SLC4A10: variants seen among roughly 807,000 people sequenced by gnomAD.
The protein encoded by SLC4A10 is solute carrier family 4 member 10, also known as sodium-driven chloride bicarbonate exchanger.
A neutral mutation model predicts 137.7 loss-of-function variants in SLC4A10; 42 were observed. The ratio of observed to expected loss-of-function variants is 0.30; its 90% CI spans 0.24 to 0.39. The LOEUF (loss-of-function observed/expected upper bound fraction) is 0.39, where lower values mean the gene tolerates loss of function less well. Ranked by LOEUF, SLC4A10 falls within the 10% of genes least tolerant of loss-of-function variation. SLC4A10 has a pLI of 1.00. For missense variants in SLC4A10, 925 were observed against 1,355.0 expected (o/e 0.68, Z 4.98); for synonymous variants, 474 against 464.1 (o/e 1.02, Z -0.27).
intron 3 of SLC4A10, among the ~76,000 whole-genome samples, chr2:161,836,581 A>G (rs867045992): frequency 4.6e-4 from 56 of 121,220 alleles, no homozygotes; most frequent in Non-Finnish European, 6.9e-4. Flanking sequence ...AGAAAGAAAG[A>G]AAGAAAGAAA....
chr2:161,624,863 C>T (rs1286111147), intron 1 of SLC4A10, among the ~76,000 whole-genome samples: 1 of 151,960 alleles, frequency 6.6e-6, no homozygotes, highest in Non-Finnish European at 1.5e-5. Flanking sequence ...TGTCTCTCTG[C>T]CTGCCTGTTA....
chr2:161,782,833 A>G (rs148351934), intron 2 of SLC4A10, among the ~76,000 whole-genome samples: 4 of 150,910 alleles, frequency 2.7e-5, no homozygotes, highest in African/African-American at 9.7e-5. Flanking sequence ...AAAGAATAAA[A>G]AAAGCTTAAA....
At chr2:161,679,332 T>C (rs1313649779) in intron 1 of SLC4A10, among the ~76,000 whole-genome samples, 1 of 152,134 alleles carries the variant, frequency 6.6e-6, no homozygotes, top group Non-Finnish European at 1.5e-5. Context: ...CACAAAATCT[T>C]TTTATTTAGT....
At chr2:161,626,964 C>A (rs1158822463) in intron 1 of SLC4A10, among the ~76,000 whole-genome samples, 1 of 152,008 alleles carries the variant, frequency 6.6e-6, no homozygotes, top group African/African-American at 2.4e-5. Flanking sequence ...ATATTTAGAA[C>A]TCAGTCAAGG....
chr2:161,826,385 A>AT (rs1302743969), intron 3 of SLC4A10, among the ~76,000 whole-genome samples: 1 of 152,200 alleles, frequency 6.6e-6, no homozygotes, highest in Non-Finnish European at 1.5e-5. Flanking sequence ...TGTGTACTTC[A>AT]TGACAGCAAG....
At chr2:161,632,264 G>A (rs2033687143) in intron 1 of SLC4A10, among the ~76,000 whole-genome samples, 1 of 151,620 alleles carries the variant, frequency 6.6e-6, no homozygotes. Context: ...ACATAGCTCT[G>A]CTTAGGAAGC....
In SLC4A10 at chr2:161,905,810, C is replaced by T. The variant is rs780883786; in HGVS notation, c.1920C>T (p.Ala640=). 9 of 1,613,764 alleles carry T rather than the reference C, an allele frequency of 5.6e-6. No individual in the cohort carries two copies. The African/African-American group carries it at 1.1e-4, about 19-fold the overall frequency. Residue 640 remains alanine, a synonymous_variant, in exon 15 of 27, where the codon GCC becomes GCT. Coordinates refer to ENST00000446997, the MANE Select transcript of SLC4A10 (RefSeq NM_001178015.2). Reference sequence around the variant, plus strand: ...TTTGCATCATTTTCATTTATGAGGCCCTGGAGAAGTTGTTTGAACTCAGTG... The same window carrying T: ...TTTGCATCATTTTCATTTATGAGGCTCTGGAGAAGTTGTTTGAACTCAGTG... The part of the protein sequence containing the change: ...SLICIIFIYE[A]LEKLFELSEA...
At chr2:161,983,077 T>C (rs1353831489) in intron 26 of SLC4A10, 102 bp from the exon 27 acceptor site, 2 of 990,478 alleles carry the variant, frequency 2.0e-6, no homozygotes, top group African/African-American at 3.3e-5. Context: ...TACGGGCTCT[T>C]GTGGTGCTTT....
intron 4 of SLC4A10, among the ~76,000 whole-genome samples, chr2:161,841,101 A>T (rs2059151629): frequency 1.3e-5 from 2 of 152,076 alleles, no homozygotes; most frequent in South Asian, 4.1e-4. Context: ...TGTCTGAGAC[A>T]GAGTCTCACT....
At position 161,703,947 on chromosome 2, in the gene SLC4A10, G is replaced by A. The variant is rs572347739; in HGVS notation, c.49-67026G>A. On this transcript the variant is annotated intron_variant, in intron 1 of 26. Coordinates refer to ENST00000446997, the MANE Select transcript of SLC4A10 (RefSeq NM_001178015.2). ...GAAATGGCCAGCCTCCATCTATAAG[G>A]TGTTCTTTCCTAATAGCTTTGCTGT... 2.5e-4 allele frequency among the ~76,000 whole-genome samples: 38 copies of A among 151,700 alleles called. 1 individual carries two copies. Among genetic ancestry groups the A allele is most frequent in the Non-Finnish European group, 4.6e-4 (31 of 67,680 alleles).
intron 3 of SLC4A10, among the ~76,000 whole-genome samples, chr2:161,827,651 C>T (rs923174965): frequency 1.2e-4 from 19 of 152,074 alleles, no homozygotes; most frequent in East Asian, 5.8e-4. Flanking sequence ...CTGCAAGCTC[C>T]GCCTCCTGGG....
intron 22 of SLC4A10, 67 bp downstream of exon 22, chr2:161,964,375 C>G: frequency 2.7e-6 from 4 of 1,493,188 alleles, no homozygotes; most frequent in Non-Finnish European, 3.7e-6. Context: ...AACATAAACA[C>G]ATGAATTGAA....
intron 1 of SLC4A10, among the ~76,000 whole-genome samples, chr2:161,682,620 A>G (rs140718484): frequency 1.2e-3 from 184 of 151,864 alleles, no homozygotes; most frequent in Middle Eastern, 3.4e-3. Flanking sequence ...TAATTTTGCA[A>G]TCTGGGCTTG....
intron 1 of SLC4A10, among the ~76,000 whole-genome samples, chr2:161,733,047 A>G (rs1038875224): frequency 3.9e-5 from 6 of 152,238 alleles, no homozygotes; most frequent in Non-Finnish European, 8.8e-5. Flanking sequence ...GAAACAGAGC[A>G]TAAAAGTTTC....
At chr2:161,800,662 C>T (rs956824697) in intron 2 of SLC4A10, among the ~76,000 whole-genome samples, 11 of 151,916 alleles carry the variant, frequency 7.2e-5, no homozygotes, top group African/African-American at 2.7e-4. Flanking sequence ...AAGGCAGTAT[C>T]GAAGAGAATG....
rs1559359650 is a variant in SLC4A10, at chr2:161,836,588, GAAA to G, written c.278-3200_278-3198del. On this transcript the variant is annotated intron_variant, in intron 3 of 26. Transcript: ENST00000446997. ...AGAAAGAAAGAAAGAAAGAAAGAAA[GAAA>G]GAAAGAAAGGAAGGAAGGAAAGAAA... Among the ~76,000 whole-genome samples, 87 of 60,266 alleles carry G rather than the reference GAAA, an allele frequency of 1.4e-3. 1 individual carries two copies. The highest frequency in any genetic ancestry group is 3.2e-3 in the South Asian group (6 of 1,882). 39.5% of individuals were successfully genotyped at this position (60,266 alleles called of 152,430 possible).
At chr2:161,768,220 A>G (rs1315947039) in intron 1 of SLC4A10, among the ~76,000 whole-genome samples, 1 of 151,984 alleles carries the variant, frequency 6.6e-6, no homozygotes, top group Non-Finnish European at 1.5e-5. Flanking sequence ...GTGTTCAGAA[A>G]CCCACTGGAT....
At chr2:161,819,466 A>G (rs967260506) in intron 3 of SLC4A10, among the ~76,000 whole-genome samples, 2 of 151,900 alleles carry the variant, frequency 1.3e-5, no homozygotes, top group Non-Finnish European at 2.9e-5. Context: ...TCCTATTGCA[A>G]TCAACTCCCC....
intron 4 of SLC4A10, among the ~76,000 whole-genome samples, chr2:161,841,060 G>A (rs903954903): frequency 4.0e-5 from 6 of 151,858 alleles, no homozygotes; most frequent in African/African-American, 1.5e-4. Flanking sequence ...CATTGACACA[G>A]GTTTAGTGTT....
Sources: gnomAD v4.1 joint callset for allele counts (sites outside exome capture counted in the v4.1 genomes callset) on GRCh38, gnomAD v4.1.1 for gene constraint, MANE v1.5 for transcripts, NCBI Gene and HGNC (gene_info 2026-07-23, HGNC 2026-07-21) for gene names.